PDE8A: variants seen among roughly 807,000 people sequenced by gnomAD.
The protein encoded by PDE8A is high affinity cAMP-specific and IBMX-insensitive 3',5'-cyclic phosphodiesterase 8A.
PDE8A carries 59 observed loss-of-function variants against 105.0 expected under a neutral mutation model. That is an observed-to-expected ratio of 0.56 (90% CI 0.46 to 0.70). The LOEUF is 0.70. Ranked by LOEUF, PDE8A falls within the 30% of genes least tolerant of loss-of-function variation. The pLI, the probability that PDE8A is intolerant of heterozygous loss-of-function variation, is 0.00. For synonymous variants in PDE8A, 355 were observed against 371.9 expected (o/e 0.95, Z 0.52); for missense variants, 1,014 against 1,045.9 (o/e 0.97, Z 0.42).
intron 1 of PDE8A, among the ~76,000 whole-genome samples, chr15:84,999,323 G>C (rs1273686242): frequency 6.6e-6 from 1 of 152,076 alleles, no homozygotes; most frequent in African/African-American, 2.4e-5. Context: ...GTTTCACCAT[G>C]TTGGCCAGGC....
chr15:85,100,132 A>G (rs2081836156), intron 10 of PDE8A, 24 bp from the exon 11 acceptor site: 2 of 1,613,714 alleles, frequency 1.2e-6, no homozygotes, highest in Admixed American at 3.3e-5. Context: ...ATCAGAACTA[A>G]TGGCTTTTAA....
chr15:85,058,166 G>A (rs761300338), intron 1 of PDE8A, among the ~76,000 whole-genome samples: 3 of 152,030 alleles, frequency 2.0e-5, no homozygotes, highest in African/African-American at 4.8e-5. Context: ...CTGCAGCCTC[G>A]ACTTCCTGGG....
intron 1 of PDE8A, among the ~76,000 whole-genome samples, chr15:85,049,324 A>G (rs2080936203): frequency 6.6e-6 from 1 of 152,166 alleles, no homozygotes; most frequent in Non-Finnish European, 1.5e-5. Flanking sequence ...CTAAAACAAT[A>G]TATCAATTAA....
chr15:85,097,510 C>T (rs959693381), intron 8 of PDE8A, among the ~76,000 whole-genome samples: 1 of 152,186 alleles, frequency 6.6e-6, no homozygotes, highest in Non-Finnish European at 1.5e-5. Context: ...GGCCTCAAGC[C>T]ATTTAGTTCA....
intron 1 of PDE8A, among the ~76,000 whole-genome samples, chr15:84,988,589 C>T (rs1266190518): frequency 6.6e-6 from 1 of 152,208 alleles, no homozygotes; most frequent in Non-Finnish European, 1.5e-5. Flanking sequence ...AGGCAGCCTG[C>T]CCTACCAAGA....
chr15:84,986,068 AT>A (rs2079797196), intron 1 of PDE8A, among the ~76,000 whole-genome samples: 1 of 152,086 alleles, frequency 6.6e-6, no homozygotes, highest in Non-Finnish European at 1.5e-5. Flanking sequence ...CTACCAAAAA[AT>A]AAAAAAAATT....
chr15:85,133,066 A>G lies in PDE8A; in HGVS notation c.2254-3468A>G, dbSNP rs114955331. ...TTGAAAACTGTCTCTCAGCCTTACA[A>G]TTAACCCATCATGAAAGTTTAAAGT... On this transcript the variant is annotated intron_variant, in intron 20 of 21. Coordinates refer to ENST00000394553, the MANE Select transcript of PDE8A (RefSeq NM_002605.3). 1.9e-3 allele frequency among the ~76,000 whole-genome samples: 292 copies of G among 152,302 alleles called. 3 individuals carry two copies. The highest frequency in any genetic ancestry group is 6.2e-3 in the African/African-American group (259 of 41,560).
At chr15:85,065,325 A>G (rs1256298909) in intron 2 of PDE8A, among the ~76,000 whole-genome samples, 1 of 102,548 alleles carries the variant, frequency 9.8e-6, no homozygotes, top group Non-Finnish European at 1.8e-5. Context: ...CACTCTGGGG[A>G]CTGTGGTGGG....
chr15:84,988,058 G>T (rs903311150), intron 1 of PDE8A, among the ~76,000 whole-genome samples: 1 of 152,178 alleles, frequency 6.6e-6, no homozygotes, highest in African/African-American at 2.4e-5. Flanking sequence ...GATGCCCTCT[G>T]TGTTGCAAGC....
At chr15:85,065,149 A>C (rs970799240) in intron 2 of PDE8A, among the ~76,000 whole-genome samples, 7 of 152,134 alleles carry the variant, frequency 4.6e-5, no homozygotes, top group African/African-American at 1.4e-4. Context: ...GTTTCTGTAG[A>C]TTTGAAATTT....
At chr15:85,060,930 T>G (rs2081134407) in intron 1 of PDE8A, among the ~76,000 whole-genome samples, 1 of 152,228 alleles carries the variant, frequency 6.6e-6, no homozygotes, top group African/African-American at 2.4e-5. Flanking sequence ...AGTGTCCTTT[T>G]ATTTTACCCT....
intron 1 of PDE8A, among the ~76,000 whole-genome samples, chr15:85,009,921 A>G (rs1482343846): frequency 1.3e-5 from 2 of 152,256 alleles, no homozygotes; most frequent in African/African-American, 4.8e-5. Context: ...ATAAGCATAT[A>G]ATGAAACACT....
intron 1 of PDE8A, among the ~76,000 whole-genome samples, chr15:85,029,895 G>A (rs1312387769): frequency 6.6e-6 from 1 of 152,158 alleles, no homozygotes; most frequent in Non-Finnish European, 1.5e-5. Context: ...TGGGAAGGGG[G>A]ACACTCTTTT....
At chr15:85,091,217 A>G (rs1415145197) in intron 8 of PDE8A, 36 bp downstream of exon 8, 2 of 1,553,274 alleles carry the variant, frequency 1.3e-6, no homozygotes, top group African/African-American at 2.7e-5. Context: ...TAACTTTCAC[A>G]ACACAGAGAG....
Position 85,116,111 on chromosome 15 carries a change from C to T in PDE8A, c.1527C>T (p.Thr509=), listed in dbSNP as rs1410752622. ...DFDIFELEAA[T]HNRPLIYLGL... ...ATATTTTTGAACTGGAGGCTGCCACCCACAATAGGTGAGTTCATGCAGAGC... is the reference window on the plus strand; with the variant it reads ...ATATTTTTGAACTGGAGGCTGCCACTCACAATAGGTGAGTTCATGCAGAGC... Residue 509 remains threonine (T), a synonymous_variant, in exon 16 of 22, where the codon ACC becomes ACT. Coordinates refer to ENST00000394553, the MANE Select transcript of PDE8A (RefSeq NM_002605.3). The T allele has an allele frequency of 1.2e-6, 2 of 1,613,946 alleles. No homozygotes were observed. Among genetic ancestry groups the T allele is most frequent in the Non-Finnish European group, 1.7e-6 (2 of 1,179,908 alleles).
chr15:85,005,346 A>C (rs991338588), intron 1 of PDE8A, among the ~76,000 whole-genome samples: 1 of 152,028 alleles, frequency 6.6e-6, no homozygotes, highest in Non-Finnish European at 1.5e-5. Flanking sequence ...GAACTCCCGG[A>C]CTCAAGCAAT....
chr15:85,109,792 C>T (rs1221773264), intron 12 of PDE8A, among the ~76,000 whole-genome samples: 1 of 152,206 alleles, frequency 6.6e-6, no homozygotes, highest in Non-Finnish European at 1.5e-5. Context: ...AAATGCTACC[C>T]TCTCATCCCT....
At chr15:85,041,493 T>C (rs1330733349) in intron 1 of PDE8A, among the ~76,000 whole-genome samples, 1 of 152,232 alleles carries the variant, frequency 6.6e-6, no homozygotes, top group Non-Finnish European at 1.5e-5. Context: ...TTTGACAGTC[T>C]GTGCTTTTCA....
At chr15:84,999,849 C>T (rs887897330) in intron 1 of PDE8A, among the ~76,000 whole-genome samples, 1 of 152,148 alleles carries the variant, frequency 6.6e-6, no homozygotes, top group African/African-American at 2.4e-5. Flanking sequence ...GCTGGGATTA[C>T]AGGCATGAGC....
Sources: allele counts gnomAD v4.1 joint callset (sites outside exome capture counted in the v4.1 genomes callset), GRCh38; gene constraint gnomAD v4.1.1; transcripts MANE v1.5; gene names NCBI Gene and HGNC (gene_info 2026-07-23, HGNC 2026-07-21).